ESR2: variants seen among roughly 807,000 people sequenced by gnomAD.
ESR2 encodes the protein estrogen receptor beta.
In ESR2, 36 loss-of-function variants were observed where a neutral mutation model predicts 49.6. That is an observed-to-expected ratio of 0.73 (90% CI 0.56 to 0.96). The LOEUF (loss-of-function observed/expected upper bound fraction) is 0.96. Among genes scored for constraint, ESR2 ranks in the 40% least tolerant of loss-of-function variants. The pLI, the probability that ESR2 is intolerant of heterozygous loss-of-function variation, is 0.00. For missense variants in ESR2, 714 were observed against 693.0 expected (o/e 1.03, Z -0.34); for synonymous variants, 320 against 266.1 (o/e 1.20, Z -1.97).
intron 1 of ESR2, among the ~76,000 whole-genome samples, chr14:64,288,640 G>A (rs986338916): frequency 2.0e-5 from 3 of 151,656 alleles, no homozygotes; most frequent in East Asian, 2.0e-4. Flanking sequence ...GAGCCACCGT[G>A]CCAGCCAAGA....
At chr14:64,290,643 T>C (rs1353506704) in intron 1 of ESR2, among the ~76,000 whole-genome samples, 1 of 152,058 alleles carries the variant, frequency 6.6e-6, no homozygotes, top group East Asian at 1.9e-4. Context: ...CCTCAAGTGA[T>C]CCAGCCACCT....
intron 7 of ESR2, among the ~76,000 whole-genome samples, chr14:64,236,089 A>G (rs1300222941): frequency 6.6e-6 from 1 of 152,216 alleles, no homozygotes; most frequent in African/African-American, 2.4e-5. Context: ...CAGCAACCAC[A>G]GAATTTGTTT....
intron 3 of ESR2, 26 bp from the exon 4 acceptor site, chr14:64,268,937 A>C (rs756701593): frequency 3.9e-6 from 5 of 1,267,420 alleles, no homozygotes; most frequent in Non-Finnish European, 5.8e-6. Context: ...AGGGAAAAAA[A>C]GATTATTGCT....
intron 1 of ESR2, among the ~76,000 whole-genome samples, chr14:64,332,741 A>C (rs1451363571): frequency 1.4e-5 from 2 of 147,984 alleles, no homozygotes; most frequent in East Asian, 2.1e-4. Context: ...CGGAGCTTGC[A>C]GTGAGCGGAG....
chr14:64,243,696 A>G (rs2075789978), intron 7 of ESR2, among the ~76,000 whole-genome samples: 1 of 152,222 alleles, frequency 6.6e-6, no homozygotes, highest in Non-Finnish European at 1.5e-5. Context: ...AGAAGTGCCC[A>G]ATACCCAGTG....
chr14:64,252,480 T>C (rs1039714373), intron 6 of ESR2, among the ~76,000 whole-genome samples: 3 of 152,166 alleles, frequency 2.0e-5, no homozygotes, highest in African/African-American at 7.2e-5. Flanking sequence ...TATTAGTCCA[T>C]TTTCACATTG....
intron 7 of ESR2, 148 bp from the exon 8 acceptor site, chr14:64,235,298 T>G (rs2140619755): frequency 1.3e-6 from 1 of 765,636 alleles, no homozygotes; most frequent in South Asian, 1.9e-5. Flanking sequence ...TGGTCTTACC[T>G]CCCCCAGGGG....
intron 1 of ESR2, among the ~76,000 whole-genome samples, chr14:64,317,908 G>A (rs1488261807): frequency 6.6e-6 from 1 of 152,152 alleles, no homozygotes; most frequent in Non-Finnish European, 1.5e-5. Context: ...ACATTTAATG[G>A]TGAAAGACTG....
intron 1 of ESR2, among the ~76,000 whole-genome samples, chr14:64,305,085 T>C (rs1446193323): frequency 6.6e-6 from 1 of 151,228 alleles, no homozygotes; most frequent in Non-Finnish European, 1.5e-5. Context: ...GGTCAGGAGA[T>C]CGAGACCAAC....
upstream of ESR2, among the ~76,000 whole-genome samples, chr14:64,298,744 C>G (rs977329009): frequency 1.3e-5 from 2 of 152,300 alleles, no homozygotes; most frequent in Non-Finnish European, 2.9e-5. Flanking sequence ...GTGTTTCAGT[C>G]TTGATCTTTG....
chr14:64,234,929 C>G, intron 8 of ESR2, 41 bp downstream of exon 8: 1 of 1,599,802 alleles, frequency 6.3e-7, no homozygotes. Context: ...GCACATAATC[C>G]CATCCCAAGC....
chr14:64,260,090 G>A, intron 5 of ESR2: 1 of 482,914 alleles, frequency 2.1e-6, no homozygotes, highest in Admixed American at 2.3e-5. Context: ...GTCTGTAGCA[G>A]ATGTGGACAC....
upstream of ESR2, among the ~76,000 whole-genome samples, chr14:64,296,034 ACT>A (rs1237554411): frequency 2.7e-5 from 3 of 113,130 alleles, no homozygotes; most frequent in South Asian, 2.8e-4. Context: ...ACAGAGCGAG[ACT>A]CTGTCTCAAA....
chr14:64,236,622 T>A (rs1250577828), intron 7 of ESR2, among the ~76,000 whole-genome samples: 1 of 152,122 alleles, frequency 6.6e-6, no homozygotes, highest in Non-Finnish European at 1.5e-5. Flanking sequence ...CTCAACTCCC[T>A]GAATGTGTGG....
At chr14:64,250,983 T>C (rs2075975036) in intron 6 of ESR2, among the ~76,000 whole-genome samples, 1 of 152,186 alleles carries the variant, frequency 6.6e-6, no homozygotes, top group Non-Finnish European at 1.5e-5. Context: ...CCTGCAATTT[T>C]CTATAAGTAC....
At chr14:64,227,479 G>C, downstream of ESR2, 1 of 1,572,888 alleles carries the variant, frequency 6.4e-7, no homozygotes. Flanking sequence ...GAGGGAAACT[G>C]AAGTGAAAAT....
chr14:64,266,246 T>C (rs1333546568), intron 4 of ESR2, among the ~76,000 whole-genome samples: 12 of 151,188 alleles, frequency 7.9e-5, no homozygotes, highest in Non-Finnish European at 1.8e-4. Context: ...AAACTAAAAT[T>C]GAGTGTCAGA....
chr14:64,262,127 T>TTG (rs1555577526), intron 4 of ESR2, among the ~76,000 whole-genome samples: 2 of 150,482 alleles, frequency 1.3e-5, no homozygotes, highest in East Asian at 3.9e-4. Flanking sequence ...TTTTTTTTTT[T>TTG]TAAGAGACAA....
intron 3 of ESR2, among the ~76,000 whole-genome samples, chr14:64,278,338 G>T (rs2076597888): frequency 1.3e-5 from 2 of 152,162 alleles, no homozygotes; most frequent in Admixed American, 6.5e-5. Context: ...GGACAAAGAG[G>T]CTGCCATTCA....
Sources: allele counts gnomAD v4.1 joint callset (sites outside exome capture counted in the v4.1 genomes callset), GRCh38; gene constraint gnomAD v4.1.1; transcripts MANE v1.5; gene names NCBI Gene and HGNC (gene_info 2026-07-23, HGNC 2026-07-21).